The following RAB10 variants were observed in gnomAD, a reference collection of about 807,000 sequenced individuals.
RAB10 encodes the protein ras-related protein Rab-10.
RAB10 carries 5 observed loss-of-function variants against 25.7 expected under a neutral mutation model. The ratio of observed to expected loss-of-function variants is 0.19; its 90% CI spans 0.10 to 0.41. RAB10 has a LOEUF of 0.41. Ranked by LOEUF, RAB10 falls within the 10% of genes least tolerant of loss-of-function variation. RAB10 has a pLI of 1.00. For missense variants in RAB10, 103 were observed against 245.8 expected, an observed-to-expected ratio of 0.42 and a Z score of 3.89; for synonymous variants, 89 against 86.4, an observed-to-expected ratio of 1.03 and a Z score of -0.16.
intron 3 of RAB10, among the ~76,000 whole-genome samples, chr2:26,111,997 C>CT (rs1667582359): frequency 1.3e-5 from 2 of 152,136 alleles, no homozygotes; most frequent in South Asian, 4.1e-4. Flanking sequence ...AGTCATAGAA[C>CT]TTAGGAAAAT....
At chr2:26,123,823 G>T (rs1667852362) in intron 3 of RAB10, among the ~76,000 whole-genome samples, 1 of 152,126 alleles carries the variant, frequency 6.6e-6, no homozygotes. Context: ...GTTTTGTATA[G>T]AAATATTTTT....
In RAB10 at chr2:26,136,242, A is replaced by G. The variant is rs1343760510; in HGVS notation, c.*1221A>G. ...AACTCCTCTAGCAGCTTGGTAGCCT[A>G]GTACAGGTTGTTTTTTTAAAAAAGG... On this transcript the variant is annotated 3_prime_UTR_variant, in exon 6 of 6. Coordinates refer to ENST00000264710, the MANE Select transcript of RAB10 (RefSeq NM_016131.5). The G allele has an allele frequency of 1.3e-5, 2 of 152,632 alleles. No homozygotes were observed. Among genetic ancestry groups the G allele is most frequent in the Non-Finnish European group, 2.9e-5 (2 of 68,042 alleles). 9.5% of individuals were successfully genotyped at this position (152,632 alleles called of 1,614,324 possible).
chr2:26,119,122 T>A (rs897063863), intron 3 of RAB10, among the ~76,000 whole-genome samples: 1 of 152,186 alleles, frequency 6.6e-6, no homozygotes, highest in African/African-American at 2.4e-5. Context: ...TAAGGATGTA[T>A]AGGGCTGTGC....
At chr2:26,062,287 G>T (rs1259847544) in intron 1 of RAB10, among the ~76,000 whole-genome samples, 1 of 152,120 alleles carries the variant, frequency 6.6e-6, no homozygotes, top group East Asian at 1.9e-4. Context: ...TAGCCTTAGT[G>T]TAATTTTGGT....
chr2:26,080,599 C>T (rs1666848900), intron 1 of RAB10, among the ~76,000 whole-genome samples: 1 of 152,140 alleles, frequency 6.6e-6, no homozygotes, highest in Admixed American at 6.5e-5. Context: ...ACCTTGAACT[C>T]TTGGGCTCAA....
chr2:26,132,482 G>C (rs193052637), intron 5 of RAB10, among the ~76,000 whole-genome samples: 212 of 152,304 alleles, frequency 1.4e-3, no homozygotes, highest in African/African-American at 5.0e-3. Flanking sequence ...TCGAAGTCCT[G>C]ACCTCAGGGA....
chr2:26,033,371 G>A (rs1239588938), upstream of RAB10, among the ~76,000 whole-genome samples: 3 of 152,340 alleles, frequency 2.0e-5, no homozygotes, highest in Non-Finnish European at 2.9e-5. Context: ...CTGCGCCCAG[G>A]TGTTCCTCAA....
chr2:26,044,551 T>G (rs575624410), intron 1 of RAB10, among the ~76,000 whole-genome samples: 2 of 152,176 alleles, frequency 1.3e-5, no homozygotes, highest in South Asian at 2.1e-4. Flanking sequence ...TAATTAGTTT[T>G]TTTTTTTTTT....
intron 1 of RAB10, among the ~76,000 whole-genome samples, chr2:26,084,228 G>A (rs1666930748): frequency 6.6e-6 from 1 of 152,162 alleles, no homozygotes; most frequent in African/African-American, 2.4e-5. Flanking sequence ...ATATAAGATA[G>A]CTCTTCCTCC....
At chr2:26,125,564 C>T (rs1667888295) in intron 3 of RAB10, among the ~76,000 whole-genome samples, 1 of 151,566 alleles carries the variant, frequency 6.6e-6, no homozygotes, top group South Asian at 2.1e-4. Flanking sequence ...ATTCTCCTAC[C>T]ACAGCCTCCT....
chr2:26,121,586 C>T (rs575852099), intron 3 of RAB10, among the ~76,000 whole-genome samples: 5 of 151,772 alleles, frequency 3.3e-5, no homozygotes, highest in South Asian at 2.1e-4. Context: ...AAATATTGGG[C>T]GGGGGGGAAA....
chr2:26,059,530 T>G (rs1285076121), intron 1 of RAB10, among the ~76,000 whole-genome samples: 1 of 152,216 alleles, frequency 6.6e-6, no homozygotes, highest in Non-Finnish European at 1.5e-5. Context: ...TTCAGAAATT[T>G]GTTGGGGTAA....
chr2:26,090,168 G>T (rs1462581391), intron 1 of RAB10, among the ~76,000 whole-genome samples: 1 of 152,100 alleles, frequency 6.6e-6, no homozygotes, highest in Non-Finnish European at 1.5e-5. Flanking sequence ...ATTTCTTAGT[G>T]CTATCTTAGA....
At chr2:26,034,898 G>A (rs1312177119) in intron 1 of RAB10, among the ~76,000 whole-genome samples, 163 bp downstream of exon 1, 1 of 152,140 alleles carries the variant, frequency 6.6e-6, no homozygotes, top group African/African-American at 2.4e-5. Context: ...TACTGGGGCG[G>A]GGTCTTCCCA....
chr2:26,052,906 C>G (rs1185737988), intron 1 of RAB10, among the ~76,000 whole-genome samples: 1 of 152,134 alleles, frequency 6.6e-6, no homozygotes, highest in African/African-American at 2.4e-5. Flanking sequence ...GCCTTGGTGT[C>G]TGATATCTCT....
intron 5 of RAB10, among the ~76,000 whole-genome samples, chr2:26,129,548 TATAAG>T (rs1192504340): frequency 6.6e-6 from 1 of 152,158 alleles, no homozygotes; most frequent in Non-Finnish European, 1.5e-5. Flanking sequence ...TCTGAGCAAT[TATAAG>T]AGATTGAGTT....
chr2:26,034,055 G>C (rs1435806049), upstream of RAB10: 1 of 401,138 alleles, frequency 2.5e-6, no homozygotes, highest in African/African-American at 2.1e-5. Context: ...TAGGGCGTGA[G>C]GGAAGGGCGG....
At chr2:26,092,986 TG>T (rs1667140657) in intron 1 of RAB10, among the ~76,000 whole-genome samples, 1 of 152,180 alleles carries the variant, frequency 6.6e-6, no homozygotes, top group Non-Finnish European at 1.5e-5. Flanking sequence ...AAAAGCAGAC[TG>T]GCTCAAATTA....
intron 1 of RAB10, among the ~76,000 whole-genome samples, chr2:26,063,206 T>C (rs1224858895): frequency 6.6e-6 from 1 of 152,158 alleles, no homozygotes; most frequent in African/African-American, 2.4e-5. Flanking sequence ...CTTTCTTGTG[T>C]AGATAGCCTT....
Sources: allele counts gnomAD v4.1 joint callset (sites outside exome capture counted in the v4.1 genomes callset), GRCh38; gene constraint gnomAD v4.1.1; transcripts MANE v1.5; gene names NCBI Gene and HGNC (gene_info 2026-07-23, HGNC 2026-07-21).